NEUROD1: variants seen among roughly 807,000 people sequenced by gnomAD.
NEUROD1 encodes neuronal differentiation 1.
Under a neutral mutation model 21.8 loss-of-function variants are expected in NEUROD1, and 9 were observed. That is an observed-to-expected ratio of 0.41 (90% CI 0.25 to 0.72). The LOEUF (loss-of-function observed/expected upper bound fraction) is 0.72. Ranked by LOEUF, NEUROD1 falls within the 30% of genes least tolerant of loss-of-function variation. The probability of loss-of-function intolerance (pLI) is 0.31; values close to 1 mark genes in which losing one functional copy is unlikely to be tolerated. For synonymous variants in NEUROD1, 199 were observed against 186.2 expected (o/e 1.07, Z -0.56); for missense variants, 434 against 468.8 (o/e 0.93, Z 0.69).
chr2:181,679,312 T>G (rs1394826973), intron 1 of NEUROD1, among the ~76,000 whole-genome samples: 1 of 152,196 alleles, frequency 6.6e-6, no homozygotes, highest in Non-Finnish European at 1.5e-5. Flanking sequence ...CTACTTCCAT[T>G]TCTGTCCTGG....
At chr2:181,672,895 GC>G (rs1202929873), downstream of NEUROD1, among the ~76,000 whole-genome samples, 1 of 152,202 alleles carries the variant, frequency 6.6e-6, no homozygotes, top group Non-Finnish European at 1.5e-5. Context: ...AAGCAGGTTA[GC>G]TTTTGATCTT....
chr2:181,675,677 C>T (rs1221318433), downstream of NEUROD1, among the ~76,000 whole-genome samples: 1 of 149,158 alleles, frequency 6.7e-6, no homozygotes, highest in Admixed American at 6.7e-5. Context: ...GTGGACTTAA[C>T]AATAGACAGA....
At position 181,678,200 on chromosome 2, in the gene NEUROD1, A is replaced by C; in HGVS notation, c.661T>G (p.Tyr221Asp). The change falls in exon 2 of 2, where the codon TAC becomes GAC. Residue 221 changes from tyrosine (Y) to aspartate (D), a missense_variant. By Grantham distance (160) the Tyr-to-Asp change is radical. Transcript: ENST00000295108. This position sits in a 1 kb window ranked among gnomAD's most constrained non-coding sequence, Gnocchi z 5.5. ...SASFPVHPYS[Y>D]QSPGLPSPPY... The stretch of plus-strand genomic sequence containing the variant: ...GGACTGGGCAGCCCAGGCGACTGGT[A>C]GGAGTAGGGGTGTACAGGGAAGGAA... 1 of 1,614,144 alleles carries C rather than the reference A, an allele frequency of 6.2e-7. No homozygotes were observed. The highest frequency in any genetic ancestry group is 8.5e-7 in the Non-Finnish European group (1 of 1,179,990).
chr2:181,678,188 C>G lies in NEUROD1; in HGVS notation c.673G>C (p.Gly225Arg). Residue 225 changes from glycine to arginine, a missense_variant, in exon 2 of 2, where the codon GGG (glycine) becomes CGG (arginine). Physicochemically the swap from Gly to Arg is moderately radical, Grantham distance 125. Transcript: ENST00000295108. This position sits in a 1 kb window ranked among gnomAD's most constrained non-coding sequence, Gnocchi z 5.5. ...GTACCGTAAGGCGGACTGGGCAGCC[C>G]AGGCGACTGGTAGGAGTAGGGGTGT... Reference protein sequence around the residue: ...PVHPYSYQSPGLPSPPYGTMD... With the variant: ...PVHPYSYQSPRLPSPPYGTMD... 1 of 1,614,142 alleles carries G rather than the reference C, an allele frequency of 6.2e-7. No individual in the cohort carries two copies. Among genetic ancestry groups the G allele is most frequent in the Non-Finnish European group, 8.5e-7 (1 of 1,180,010 alleles).
Position 181,677,520 on chromosome 2 carries a change from A to G in NEUROD1, c.*270T>C. On this transcript the variant is annotated 3_prime_UTR_variant, in exon 2 of 2. Coordinates refer to ENST00000295108, the MANE Select transcript of NEUROD1 (RefSeq NM_002500.5). ...TAATTAATACGATCTGAATACAGCC[A>G]CACCAAATTCGTGGTGTATTTTTTA... 4.5e-6 allele frequency: 2 copies of G among 444,886 alleles called. No individual in the cohort carries two copies. Among genetic ancestry groups the G allele is most frequent in the South Asian group, 4.7e-5 (2 of 42,876 alleles). 27.6% of individuals were successfully genotyped at this position (444,886 alleles called of 1,614,324 possible).
intron 1 of NEUROD1, among the ~76,000 whole-genome samples, chr2:181,680,187 G>A (rs1053914895): frequency 3.3e-5 from 5 of 152,124 alleles, no homozygotes; most frequent in African/African-American, 9.6e-5. Context: ...AAAAATCCAA[G>A]AAGCTCCTAT....
Position 181,678,759 on chromosome 2 carries a change from G to T in NEUROD1, c.102C>A (p.His34Gln), listed in dbSNP as rs748626988. Residue 34 changes from histidine (H) to glutamine (Q), a missense_variant, in exon 2 of 2, where the codon CAC becomes CAA. His to Gln is a conservative substitution (Grantham distance 24). Transcript: ENST00000295108. This position sits in a 1 kb window ranked among gnomAD's most constrained non-coding sequence, Gnocchi z 5.5. ...GGTCGTCCTCCTTCTTGTCTGCCTCGTGCTCCTCGTCCTGAGAACTGAGAC... is the reference window on the plus strand; with the variant it reads ...GGTCGTCCTCCTTCTTGTCTGCCTCTTGCTCCTCGTCCTGAGAACTGAGAC... ...DECLSSQDEE[H>Q]EADKKEDDLE... is the part of the protein sequence containing the mutation. 3 of 1,612,794 alleles carry T rather than the reference G, an allele frequency of 1.9e-6. No individual in the cohort carries two copies. Among genetic ancestry groups the T allele is most frequent in the Admixed American group, 1.7e-5 (1 of 59,888 alleles).
downstream of NEUROD1, among the ~76,000 whole-genome samples, chr2:181,668,666 C>G (rs910194135): frequency 6.6e-6 from 1 of 152,156 alleles, no homozygotes; most frequent in Non-Finnish European, 1.5e-5. Flanking sequence ...ACTTCAACGT[C>G]TCTCTTACCA....
chr2:181,669,982 A>G (rs1034673756), downstream of NEUROD1, among the ~76,000 whole-genome samples: 1 of 152,196 alleles, frequency 6.6e-6, no homozygotes, highest in African/African-American at 2.4e-5. Context: ...TAGAGACAGA[A>G]TTTTTAGAAG....
In NEUROD1 at chr2:181,677,050, CT is replaced by C. The variant is rs2105592930; in HGVS notation, c.*739del. The C allele has an allele frequency of 7.9e-6, 1 of 127,164 alleles. No homozygotes were observed. The highest frequency in any genetic ancestry group is 2.4e-4 in the East Asian group (1 of 4,210). 7.9% of individuals were successfully genotyped at this position (127,164 alleles called of 1,614,324 possible). ...TTTTCTTCTCTTGAAAATTATGATTCTGGTTTTTATTTTAGGGAGACGGAAA... is the reference window on the plus strand; with the variant it reads ...TTTTCTTCTCTTGAAAATTATGATTCGGTTTTTATTTTAGGGAGACGGAAA... On this transcript the variant is annotated 3_prime_UTR_variant, in exon 2 of 2. Coordinates refer to ENST00000295108, the MANE Select transcript of NEUROD1 (RefSeq NM_002500.5).
At chr2:181,676,275 C>A (rs1688569389), downstream of NEUROD1, among the ~76,000 whole-genome samples, 3 of 152,164 alleles carry the variant, frequency 2.0e-5, no homozygotes, top group African/African-American at 7.2e-5. Context: ...TCAGTTAGGT[C>A]TTTTCATTAT....
At position 181,677,213 on chromosome 2, in the gene NEUROD1, A is replaced by C. The variant is rs1414936469; in HGVS notation, c.*577T>G. ...TTCTAAGCACTTTTCTGCTGGTTTA[A>C]ATTAGTTAAATTATTTTGTATAAAT... is the stretch of plus-strand genomic sequence containing the variant. On this transcript the variant is annotated 3_prime_UTR_variant, in exon 2 of 2. Coordinates refer to ENST00000295108, the MANE Select transcript of NEUROD1 (RefSeq NM_002500.5). 3 of 138,514 alleles carry C rather than the reference A, an allele frequency of 2.2e-5. No homozygotes were observed. The highest frequency in any genetic ancestry group is 3.1e-5 in the Non-Finnish European group (2 of 65,080). 8.6% of individuals were successfully genotyped at this position (138,514 alleles called of 1,614,324 possible).
rs1198671205 is a variant in NEUROD1, at chr2:181,676,653, T to C, written c.*1137A>G. On this transcript the variant is annotated 3_prime_UTR_variant, in exon 2 of 2. Transcript: ENST00000295108. ...AATAGCTATTGTTCTAATTATGAAT[T>C]AAATGGTTTGAATTTATTTAAGCTA... 1.3e-5 allele frequency: 2 copies of C among 152,642 alleles called. No individual in the cohort carries two copies. Among genetic ancestry groups the C allele is most frequent in the Non-Finnish European group, 2.9e-5 (2 of 68,006 alleles). 9.5% of individuals were successfully genotyped at this position (152,642 alleles called of 1,614,324 possible).
rs576676213 is a variant in NEUROD1, at chr2:181,677,784, G to T, written c.*6C>A. The T allele has an allele frequency of 3.1e-4, 496 of 1,614,110 alleles. 4 individuals carry two copies. In the South Asian group the frequency reaches 5.2e-3, roughly 17 times the overall value. ...GTTTCCCGGAAATGGTGAAACTGGC[G>T]TGCCTCTAATCATGAAATATGGCAT... On this transcript the variant is annotated 3_prime_UTR_variant, in exon 2 of 2. Coordinates refer to ENST00000295108, the MANE Select transcript of NEUROD1 (RefSeq NM_002500.5).
In NEUROD1 at chr2:181,676,751, A is replaced by T. The variant is rs1382904131; in HGVS notation, c.*1039T>A. 1 of 152,630 alleles carries T rather than the reference A, an allele frequency of 6.6e-6. No homozygotes were observed. The highest frequency in any genetic ancestry group is 6.5e-5 in the Admixed American group (1 of 15,282). 9.5% of individuals were successfully genotyped at this position (152,630 alleles called of 1,614,324 possible). ...GATTAGATTTAGGCTCAGATTTATT[A>T]CATGAATATATGACAAACCACCATT... is the stretch of plus-strand genomic sequence containing the variant. On this transcript the variant is annotated 3_prime_UTR_variant, in exon 2 of 2. Coordinates refer to ENST00000295108, the MANE Select transcript of NEUROD1 (RefSeq NM_002500.5).
rs1176481997 is a variant in NEUROD1 at position 181,676,973 on chromosome 2, G to A, written c.*817C>T. ...TTATAATATGTATATACAAGCTTGT[G>A]CAAGTAATGTGTTGAATTGATATGT... On this transcript the variant is annotated 3_prime_UTR_variant, in exon 2 of 2. Transcript: ENST00000295108. 6.6e-6 allele frequency: 1 copy of A among 152,480 alleles called. No homozygotes were observed. The highest frequency in any genetic ancestry group is 6.5e-5 in the Admixed American group (1 of 15,272). The allele number at this position is 152,480 out of a possible 1,614,324, so 9.4% of individuals were successfully genotyped here.
Position 181,677,538 on chromosome 2 carries a change from A to AT in NEUROD1, c.*251dup, listed in dbSNP as rs1303115976. 1.9e-6 allele frequency: 1 copy of AT among 517,076 alleles called. No individual in the cohort carries two copies. Among genetic ancestry groups the AT allele is most frequent in the South Asian group, 2.2e-5 (1 of 44,476 alleles). The allele number at this position is 517,076 out of a possible 1,614,324, so 32.0% of individuals were successfully genotyped here. ...TACAGCCACACCAAATTCGTGGTGT[A>AT]TTTTTTAAACTTTACTGTATTTTTT... On this transcript the variant is annotated 3_prime_UTR_variant, in exon 2 of 2. Transcript: ENST00000295108.
At chr2:181,672,087 A>G (rs758973270), downstream of NEUROD1, among the ~76,000 whole-genome samples, 30 of 152,222 alleles carry the variant, frequency 2.0e-4, no homozygotes, top group Non-Finnish European at 4.0e-4. Flanking sequence ...AAAAAATAAT[A>G]TGCATTGAAA....
chr2:181,672,219 T>C (rs1444098488), downstream of NEUROD1, among the ~76,000 whole-genome samples: 2 of 151,892 alleles, frequency 1.3e-5, no homozygotes, highest in Admixed American at 1.3e-4. Flanking sequence ...AAAAAGGAAG[T>C]GGGGGGAGTT....
Sources: gnomAD v4.1 joint callset for allele counts (sites outside exome capture counted in the v4.1 genomes callset) on GRCh38, gnomAD v4.1.1 for gene constraint, Gnocchi (gnomAD v3.1) non-coding constraint, MANE v1.5 for transcripts, NCBI Gene and HGNC (gene_info 2026-07-23, HGNC 2026-07-21) for gene names.